UBE2E2: variants seen among roughly 807,000 people sequenced by gnomAD.
The protein encoded by UBE2E2 is ubiquitin-conjugating enzyme E2 E2.
Under a neutral mutation model 24.7 loss-of-function variants are expected in UBE2E2, and 6 were observed. The observed-to-expected ratio is 0.24, with a 90% confidence interval of 0.13 to 0.48. The LOEUF is 0.48. Among genes scored for constraint, UBE2E2 ranks in the 20% least tolerant of loss-of-function variants. UBE2E2 has a pLI of 0.99. For synonymous variants in UBE2E2, 104 were observed against 83.6 expected, an observed-to-expected ratio of 1.24 and a Z score of -1.33; for missense variants, 169 against 245.0, an observed-to-expected ratio of 0.69 and a Z score of 2.07.
At chr3:23,413,061 G>T (rs530446109) in intron 3 of UBE2E2, among the ~76,000 whole-genome samples, 2 of 146,430 alleles carry the variant, frequency 1.4e-5, no homozygotes, top group Admixed American at 6.9e-5. Context: ...TGGGGGGAGG[G>T]GGGAGGAATA....
chr3:23,582,578 C>T (rs908273003), intron 5 of UBE2E2, among the ~76,000 whole-genome samples: 3 of 152,048 alleles, frequency 2.0e-5, no homozygotes, highest in African/African-American at 4.8e-5. Flanking sequence ...TATTTTTTGA[C>T]GTTTTAATAA....
At chr3:23,399,653 A>G (rs1697171459) in intron 3 of UBE2E2, among the ~76,000 whole-genome samples, 1 of 152,210 alleles carries the variant, frequency 6.6e-6, no homozygotes, top group Non-Finnish European at 1.5e-5. Flanking sequence ...AAAACCTCAG[A>G]AAGGGAAATT....
chr3:23,214,103 A>G (rs1696403271), intron 2 of UBE2E2, among the ~76,000 whole-genome samples: 1 of 152,180 alleles, frequency 6.6e-6, no homozygotes, highest in Non-Finnish European at 1.5e-5. Flanking sequence ...ATTTTAGGTA[A>G]CAGTAGCTCA....
intron 3 of UBE2E2, among the ~76,000 whole-genome samples, chr3:23,405,295 G>C (rs1697328964): frequency 6.6e-6 from 1 of 152,138 alleles, no homozygotes; most frequent in African/African-American, 2.4e-5. Flanking sequence ...TGATACACCT[G>C]CCTCACTGAT....
intron 3 of UBE2E2, among the ~76,000 whole-genome samples, chr3:23,265,740 G>T (rs1011682907): frequency 6.6e-6 from 1 of 152,190 alleles, no homozygotes. Flanking sequence ...AATGTTGACA[G>T]TGGGGTGTTA....
chr3:23,354,403 G>C (rs536998226), intron 3 of UBE2E2, among the ~76,000 whole-genome samples: 1 of 151,978 alleles, frequency 6.6e-6, no homozygotes, highest in Admixed American at 6.6e-5. Flanking sequence ...TAATTAAAGA[G>C]CTTCTGCACA....
At chr3:23,361,801 A>C (rs533371104) in intron 3 of UBE2E2, among the ~76,000 whole-genome samples, 44 of 152,206 alleles carry the variant, frequency 2.9e-4, no homozygotes, top group Non-Finnish European at 4.7e-4. Context: ...TTGCATCCCC[A>C]AAAACTATTC....
chr3:23,274,950 G>A (rs564394994), intron 3 of UBE2E2, among the ~76,000 whole-genome samples: 9 of 152,172 alleles, frequency 5.9e-5, no homozygotes, highest in Non-Finnish European at 1.2e-4. Context: ...TTAGAGTGCT[G>A]GTCAGGACCT....
chr3:23,418,640 G>T (rs1697712149), intron 3 of UBE2E2, among the ~76,000 whole-genome samples: 2 of 152,160 alleles, frequency 1.3e-5, no homozygotes, highest in South Asian at 4.1e-4. Context: ...TTTGTTTGTT[G>T]AAAAGTACAT....
chr3:23,267,030 G>A (rs1202159547), intron 3 of UBE2E2, among the ~76,000 whole-genome samples: 3 of 151,872 alleles, frequency 2.0e-5, no homozygotes, highest in African/African-American at 4.8e-5. Flanking sequence ...CAACATACCA[G>A]AATCTCTGGG....
chr3:23,522,270 A>G lies in UBE2E2; in HGVS notation c.361-10284A>G, dbSNP rs551827338. 1.7e-3 allele frequency among the ~76,000 whole-genome samples: 257 copies of G among 151,708 alleles called. 1 individual carries two copies. The highest frequency in any genetic ancestry group is 6.0e-3 in the African/African-American group (248 of 41,390). ...CTCAGCCTCCGGAGTAGCTGGGACT[A>G]CAGGCGCCCGCCACCACGCCCGGCT... On this transcript the variant is annotated intron_variant, in intron 4 of 5. Transcript: ENST00000396703.
At chr3:23,424,258 T>G (rs1463451612) in intron 3 of UBE2E2, among the ~76,000 whole-genome samples, 1 of 152,162 alleles carries the variant, frequency 6.6e-6, no homozygotes, top group African/African-American at 2.4e-5. Flanking sequence ...TGCAGTATAA[T>G]ATTAATGAAA....
intron 5 of UBE2E2, among the ~76,000 whole-genome samples, chr3:23,558,773 A>G (rs1056936027): frequency 6.6e-6 from 1 of 152,086 alleles, no homozygotes; most frequent in African/African-American, 2.4e-5. Flanking sequence ...TCTCAGTGTT[A>G]TTTATTGCCA....
chr3:23,564,773 C>G (rs144850070), intron 5 of UBE2E2, among the ~76,000 whole-genome samples: 1 of 152,086 alleles, frequency 6.6e-6, no homozygotes, highest in South Asian at 2.1e-4. Flanking sequence ...TTCTACAACT[C>G]ATGTTCTTGT....
intron 4 of UBE2E2, among the ~76,000 whole-genome samples, chr3:23,513,104 G>A (rs947085803): frequency 5.3e-5 from 8 of 151,824 alleles, no homozygotes; most frequent in Non-Finnish European, 1.2e-4. Flanking sequence ...AACATATAAA[G>A]CAATATGTTT....
At chr3:23,236,851 G>C (rs1265889192) in intron 3 of UBE2E2, among the ~76,000 whole-genome samples, 1 of 152,132 alleles carries the variant, frequency 6.6e-6, no homozygotes, top group East Asian at 1.9e-4. Flanking sequence ...AGGCCAAATA[G>C]TAGTAGCAGA....
chr3:23,444,069 T>TG (rs1553611839), intron 3 of UBE2E2, among the ~76,000 whole-genome samples: 1 of 151,004 alleles, frequency 6.6e-6, no homozygotes, highest in Non-Finnish European at 1.5e-5. Context: ...AGTTTTGTTT[T>TG]TTTTTTTTTT....
intron 5 of UBE2E2, among the ~76,000 whole-genome samples, chr3:23,557,446 A>G (rs988030130): frequency 6.6e-6 from 1 of 152,154 alleles, no homozygotes; most frequent in Non-Finnish European, 1.5e-5. Flanking sequence ...ACGGGAACCA[A>G]CCCTGGACAG....
At chr3:23,505,029 C>T (rs1202296812) in intron 4 of UBE2E2, among the ~76,000 whole-genome samples, 2 of 150,760 alleles carry the variant, frequency 1.3e-5, no homozygotes, top group African/African-American at 2.4e-5. Flanking sequence ...CGTCAGCCTC[C>T]CAAGAGGCTG....
Sources: gnomAD v4.1 joint callset for allele counts (sites outside exome capture counted in the v4.1 genomes callset) on GRCh38, gnomAD v4.1.1 for gene constraint, MANE v1.5 for transcripts, NCBI Gene and HGNC (gene_info 2026-07-23, HGNC 2026-07-21) for gene names.